The following CTIF variants were observed in gnomAD, a reference collection of about 807,000 sequenced individuals.
CTIF encodes the protein cap binding complex dependent translation initiation factor.
In CTIF, 21 loss-of-function variants were observed where a neutral mutation model predicts 66.0. The observed-to-expected ratio is 0.32, with a 90% CI of 0.23 to 0.46. The LOEUF is 0.46. Among genes scored for constraint, CTIF ranks in the 20% least tolerant of loss-of-function variants. CTIF has a pLI of 1.00. For synonymous variants in CTIF, 345 were observed against 326.4 expected (o/e 1.06, Z -0.62); for missense variants, 739 against 812.7 (o/e 0.91, Z 1.10).
At chr18:48,743,095 G>A (rs1293492918) in intron 7 of CTIF, among the ~76,000 whole-genome samples, 2 of 152,244 alleles carry the variant, frequency 1.3e-5, no homozygotes, top group Admixed American at 1.3e-4. Flanking sequence ...TGGTTCATGA[G>A]GAACACGTAA....
At chr18:48,608,884 T>C (rs2090255857) in intron 1 of CTIF, among the ~76,000 whole-genome samples, 1 of 152,206 alleles carries the variant, frequency 6.6e-6, no homozygotes, top group Non-Finnish European at 1.5e-5. Flanking sequence ...AGAGAGAACG[T>C]TGCCTGAGAA....
intron 1 of CTIF, among the ~76,000 whole-genome samples, chr18:48,593,697 G>A (rs2144018957): frequency 6.6e-6 from 1 of 150,946 alleles, no homozygotes; most frequent in South Asian, 2.1e-4. Context: ...GAATTCTTTT[G>A]TATTTTAAAG....
chr18:48,678,913 T>G (rs566397588), intron 6 of CTIF, among the ~76,000 whole-genome samples: 1 of 152,372 alleles, frequency 6.6e-6, no homozygotes, highest in African/African-American at 2.4e-5. Context: ...CTCTCCAGCC[T>G]GTTTTTGCAA....
chr18:48,771,001 C>G (rs926970258), intron 9 of CTIF, among the ~76,000 whole-genome samples: 3 of 152,146 alleles, frequency 2.0e-5, no homozygotes, highest in African/African-American at 4.8e-5. Flanking sequence ...CATTTCCCCC[C>G]CCTACGCTGA....
chr18:48,818,668 G>C (rs1345348121), intron 10 of CTIF, among the ~76,000 whole-genome samples: 1 of 151,924 alleles, frequency 6.6e-6, no homozygotes, highest in Admixed American at 6.6e-5. Flanking sequence ...GGAGAGGAAG[G>C]GGGCGTGTAA....
intron 11 of CTIF, among the ~76,000 whole-genome samples, chr18:48,858,161 T>G (rs2069373025): frequency 6.6e-6 from 1 of 152,260 alleles, no homozygotes; most frequent in African/African-American, 2.4e-5. Context: ...CTCTGCCCTC[T>G]GCAGATGGTC....
chr18:48,761,795 C>A lies in CTIF; in HGVS notation c.1371+106C>A. 1 of 1,105,144 alleles carries A rather than the reference C, an allele frequency of 9.0e-7. No individual in the cohort carries two copies. The highest frequency in any genetic ancestry group is 1.3e-6 in the Non-Finnish European group (1 of 777,224). The allele number at this position is 1,105,144 out of a possible 1,614,324, so 68.5% of individuals were successfully genotyped here. A position where few individuals can be genotyped will look rare whatever the true frequency, so the allele number is the denominator to read the frequency against. ...AGTTCTGGCCACAGTTGGACTTTTC[C>A]CAAGTTCCGCCCTTGCCCGATTAAT... On this transcript the variant is annotated intron_variant, in intron 9 of 11. Transcript: ENST00000256413. The surrounding 1 kb of genome is among the most constrained non-coding windows in gnomAD (Gnocchi z 4.2).
intron 9 of CTIF, among the ~76,000 whole-genome samples, chr18:48,774,107 G>T (rs999759242): frequency 6.6e-6 from 1 of 152,176 alleles, no homozygotes; most frequent in African/African-American, 2.4e-5. Flanking sequence ...GTGCATGGAA[G>T]GGAGGCGCTG....
At position 48,539,158 on chromosome 18, in the gene CTIF, CT is replaced by C. The variant is rs2088542925; in HGVS notation, c.-182del. 1 of 127,464 alleles carries C rather than the reference CT, an allele frequency of 7.8e-6. No individual in the cohort carries two copies. Among genetic ancestry groups the C allele is most frequent in the Non-Finnish European group, 1.6e-5 (1 of 62,736 alleles). 7.9% of individuals were successfully genotyped at this position (127,464 alleles called of 1,614,324 possible). The stretch of plus-strand genomic sequence containing the variant: ...TCCCTCCCTCCCCTCTCTGCTGGGT[CT>C]GTGCGCTGGGGCGCCCGATCCCCTC... On this transcript the variant is annotated 5_prime_UTR_variant, in exon 1 of 12. Coordinates refer to ENST00000256413, the MANE Select transcript of CTIF (RefSeq NM_014772.3).
chr18:48,761,494 G>A lies in CTIF; in HGVS notation c.1176G>A (p.Lys392=). ...MRNNSSDVDT[K]LTTFMEEAQN... is the part of the protein sequence containing the mutation. ...ACAACAGCAGCGACGTGGACACCAA[G>A]CTCACCACCTTCATGGAGGAGGCCC... The change falls in exon 9 of 12, where the codon AAG becomes AAA. Residue 392 remains lysine (K), a synonymous_variant. Transcript: ENST00000256413. The surrounding 1 kb of genome is among the most constrained non-coding windows in gnomAD (Gnocchi z 4.2). 6.2e-7 allele frequency: 1 copy of A among 1,614,208 alleles called. No individual in the cohort carries two copies. Among genetic ancestry groups the A allele is most frequent in the African/African-American group, 1.3e-5 (1 of 75,066 alleles).
At chr18:48,820,739 G>A (rs1278408763) in intron 10 of CTIF, among the ~76,000 whole-genome samples, 1 of 152,142 alleles carries the variant, frequency 6.6e-6, no homozygotes, top group Non-Finnish European at 1.5e-5. Flanking sequence ...TACCCCCGGG[G>A]CTCCCCTGCA....
At chr18:48,770,768 A>G (rs1910027316) in intron 9 of CTIF, among the ~76,000 whole-genome samples, 2 of 152,200 alleles carry the variant, frequency 1.3e-5, no homozygotes, top group South Asian at 4.1e-4. Context: ...CATTTAAAAC[A>G]TGTCTCTGCA....
intron 1 of CTIF, among the ~76,000 whole-genome samples, chr18:48,586,801 A>C (rs572976515): frequency 4.1e-4 from 63 of 152,296 alleles, no homozygotes; most frequent in African/African-American, 1.5e-3. Flanking sequence ...AAAAAATATT[A>C]TCTCTACCCA....
At chr18:48,857,026 G>T (rs1302061505) in intron 10 of CTIF, among the ~76,000 whole-genome samples, 1 of 152,200 alleles carries the variant, frequency 6.6e-6, no homozygotes, top group Non-Finnish European at 1.5e-5. Context: ...CATGGCCCTA[G>T]TTAGGAAACA....
At chr18:48,616,793 C>T (rs944280813) in intron 1 of CTIF, among the ~76,000 whole-genome samples, 2 of 152,106 alleles carry the variant, frequency 1.3e-5, no homozygotes, top group Non-Finnish European at 2.9e-5. Flanking sequence ...GCCATGAAAC[C>T]AAGGCAATGC....
At chr18:48,744,316 G>A (rs1259116696) in intron 7 of CTIF, among the ~76,000 whole-genome samples, 1 of 152,190 alleles carries the variant, frequency 6.6e-6, no homozygotes, top group Non-Finnish European at 1.5e-5. Flanking sequence ...GGTTTGCCTG[G>A]TGCGTAAGAA....
At chr18:48,798,372 C>T (rs2067975896) in intron 9 of CTIF, among the ~76,000 whole-genome samples, 1 of 152,208 alleles carries the variant, frequency 6.6e-6, no homozygotes. Flanking sequence ...TTATTTAACC[C>T]TCTTCGGTTT....
intron 6 of CTIF, among the ~76,000 whole-genome samples, chr18:48,690,738 C>T (rs1174041995): frequency 6.6e-6 from 1 of 151,648 alleles, no homozygotes; most frequent in Non-Finnish European, 1.5e-5. Flanking sequence ...GAGCCTGCCC[C>T]GCTCCACCTC....
At chr18:48,811,334 T>C (rs187189268) in intron 9 of CTIF, among the ~76,000 whole-genome samples, 11 of 151,592 alleles carry the variant, frequency 7.3e-5, no homozygotes, top group African/African-American at 2.7e-4. Flanking sequence ...TTCTATACCA[T>C]GGTTTCCTCA....
Sources: allele counts gnomAD v4.1 joint callset (sites outside exome capture counted in the v4.1 genomes callset), GRCh38; gene constraint gnomAD v4.1.1; non-coding constraint Gnocchi (gnomAD v3.1); transcripts MANE v1.5; gene names NCBI Gene and HGNC (gene_info 2026-07-23, HGNC 2026-07-21).